MOB3B: variants seen among roughly 807,000 people sequenced by gnomAD.
MOB3B encodes MOB kinase activator 3B.
In MOB3B, 7 loss-of-function variants were observed where a neutral mutation model predicts 18.7. That is an observed-to-expected ratio of 0.37 (90% CI 0.21 to 0.70). The LOEUF is 0.70. Among genes scored for constraint, MOB3B ranks in the 30% least tolerant of loss-of-function variants. MOB3B has a pLI of 0.52. For missense variants in MOB3B, 253 were observed against 281.3 expected (o/e 0.90, Z 0.72); for synonymous variants, 111 against 99.9 (o/e 1.11, Z -0.66).
At chr9:27,362,638 C>A (rs1821288494) in intron 2 of MOB3B, among the ~76,000 whole-genome samples, 9 of 152,162 alleles carry the variant, frequency 5.9e-5, no homozygotes, top group Admixed American at 5.9e-4. Context: ...GTTCAGCATG[C>A]ACTGCAGTCA....
chr9:27,443,630 CT>C (rs1190597487), intron 2 of MOB3B, among the ~76,000 whole-genome samples: 2 of 152,194 alleles, frequency 1.3e-5, no homozygotes, highest in Non-Finnish European at 2.9e-5. Context: ...GGAACCCCTA[CT>C]TTTCAATTTC....
intron 2 of MOB3B, among the ~76,000 whole-genome samples, chr9:27,370,320 C>A (rs570347453): frequency 6.6e-6 from 1 of 152,118 alleles, no homozygotes; most frequent in Non-Finnish European, 1.5e-5. Context: ...ACCGGCCTGA[C>A]CAACATGGAG....
intron 1 of MOB3B, among the ~76,000 whole-genome samples, chr9:27,467,082 G>T (rs1256364472): frequency 1.3e-5 from 2 of 152,032 alleles, no homozygotes; most frequent in Non-Finnish European, 2.9e-5. Context: ...AATAATTAAT[G>T]ATTCTACCCA....
At chr9:27,475,182 A>G (rs1819535509) in intron 1 of MOB3B, among the ~76,000 whole-genome samples, 1 of 152,164 alleles carries the variant, frequency 6.6e-6, no homozygotes. Context: ...CCAGCCAGTG[A>G]GGAGCAAAGG....
intron 3 of MOB3B, among the ~76,000 whole-genome samples, chr9:27,337,290 C>A (rs1206436070): frequency 1.3e-5 from 2 of 152,264 alleles, no homozygotes; most frequent in Non-Finnish European, 2.9e-5. Context: ...TTCTTAGAGA[C>A]TTAAAAATCT....
intron 2 of MOB3B, among the ~76,000 whole-genome samples, chr9:27,413,054 A>T (rs560494409): frequency 6.6e-6 from 1 of 152,370 alleles, no homozygotes; most frequent in Admixed American, 6.5e-5. Flanking sequence ...TAATAACATT[A>T]ACATTCCTAT....
chr9:27,428,587 C>T (rs1015085032), intron 2 of MOB3B, among the ~76,000 whole-genome samples: 3 of 152,190 alleles, frequency 2.0e-5, no homozygotes, highest in Admixed American at 6.5e-5. Context: ...CCATTCATTG[C>T]GGTCCAAAGC....
chr9:27,432,003 G>C (rs1286579299), intron 2 of MOB3B, among the ~76,000 whole-genome samples: 1 of 152,160 alleles, frequency 6.6e-6, no homozygotes, highest in African/African-American at 2.4e-5. Flanking sequence ...TTTAGAAACA[G>C]TCCAACATCC....
chr9:27,434,373 C>T (rs138970636), intron 2 of MOB3B, among the ~76,000 whole-genome samples: 276 of 152,244 alleles, frequency 1.8e-3, no homozygotes, highest in African/African-American at 6.3e-3. Flanking sequence ...CCTCAAACTC[C>T]TTTACCAACA....
intron 2 of MOB3B, among the ~76,000 whole-genome samples, chr9:27,420,828 C>T (rs1822238932): frequency 7.2e-6 from 1 of 138,354 alleles, no homozygotes; most frequent in African/African-American, 2.5e-5. Flanking sequence ...TAAAAGACTT[C>T]AAATATGGTG....
chr9:27,486,370 G>A (rs994018700), intron 1 of MOB3B, among the ~76,000 whole-genome samples: 4 of 152,240 alleles, frequency 2.6e-5, no homozygotes, highest in Admixed American at 6.5e-5. Context: ...AAGAAGATCT[G>A]GAACAAGAAA....
intron 1 of MOB3B, among the ~76,000 whole-genome samples, chr9:27,520,259 T>G (rs1820304217): frequency 6.6e-6 from 1 of 152,106 alleles, no homozygotes; most frequent in Non-Finnish European, 1.5e-5. Context: ...ATAATCCACA[T>G]AGACACCACA....
At chr9:27,368,879 C>A (rs1006443159) in intron 2 of MOB3B, among the ~76,000 whole-genome samples, 3 of 152,228 alleles carry the variant, frequency 2.0e-5, no homozygotes, top group African/African-American at 7.2e-5. Context: ...CCCCTGAGCG[C>A]CACTTCTGAG....
chr9:27,505,502 T>G (rs1198284398), intron 1 of MOB3B, among the ~76,000 whole-genome samples: 1 of 152,254 alleles, frequency 6.6e-6, no homozygotes, highest in African/African-American at 2.4e-5. Flanking sequence ...TGTTCTGCAG[T>G]AAAGAAATCT....
chr9:27,330,820 A>C (rs947013414), intron 3 of MOB3B, among the ~76,000 whole-genome samples: 2 of 152,104 alleles, frequency 1.3e-5, no homozygotes, highest in Admixed American at 1.3e-4. Flanking sequence ...CACTGTTTAA[A>C]AATTTGACTC....
At chr9:27,458,442 A>G (rs1250403517) in intron 1 of MOB3B, among the ~76,000 whole-genome samples, 3 of 152,080 alleles carry the variant, frequency 2.0e-5, no homozygotes, top group Non-Finnish European at 4.4e-5. Context: ...CAAATATTTA[A>G]ATAAATATTA....
intron 2 of MOB3B, among the ~76,000 whole-genome samples, chr9:27,370,766 T>C (rs989094896): frequency 6.6e-6 from 1 of 152,166 alleles, no homozygotes; most frequent in Non-Finnish European, 1.5e-5. Context: ...AATAAACAAA[T>C]AACCATAGAA....
At chr9:27,465,415 A>G (rs148703839) in intron 1 of MOB3B, among the ~76,000 whole-genome samples, 4,425 of 152,260 alleles carry the variant, frequency 0.029, 113 homozygotes, top group South Asian at 0.045. Context: ...TTTGCAGGGT[A>G]CAGCCTCCCT....
chr9:27,504,747 C>T (rs2131497110), intron 1 of MOB3B, among the ~76,000 whole-genome samples: 1 of 152,318 alleles, frequency 6.6e-6, no homozygotes, highest in South Asian at 2.1e-4. Flanking sequence ...TATTCATTTC[C>T]CACCCCTACT....
Sources: gnomAD v4.1 joint callset for allele counts (sites outside exome capture counted in the v4.1 genomes callset) on GRCh38, gnomAD v4.1.1 for gene constraint, MANE v1.5 for transcripts, NCBI Gene and HGNC (gene_info 2026-07-23, HGNC 2026-07-21) for gene names.